Variants in SHBG observed in about 807,000 individuals in gnomAD.
SHBG encodes sex hormone binding globulin.
In SHBG, 37 loss-of-function variants were observed where a neutral mutation model predicts 41.9. That is an observed-to-expected ratio of 0.88 (90% CI 0.68 to 1.16). SHBG has a LOEUF of 1.16. SHBG is among the 50% of genes most tolerant of loss of function. The probability of loss-of-function intolerance (pLI) is 0.00; values close to 1 mark genes in which losing one functional copy is unlikely to be tolerated. For synonymous variants in SHBG, 217 were observed against 205.8 expected, an observed-to-expected ratio of 1.05 and a Z score of -0.47; for missense variants, 466 against 499.9, an observed-to-expected ratio of 0.93 and a Z score of 0.65.
At chr17:7,629,466 T>C (rs1009750552), upstream of SHBG, among the ~76,000 whole-genome samples, 1 of 152,020 alleles carries the variant, frequency 6.6e-6, no homozygotes, top group African/African-American at 2.4e-5. Flanking sequence ...GGCCCTGTAA[T>C]AAATGGATAA....
Position 7,630,206 on chromosome 17 carries a change from C to A in SHBG, c.34C>A (p.Leu12Met). The A allele has an allele frequency of 6.2e-7, 1 of 1,613,718 alleles. No individual in the cohort carries two copies. The highest frequency in any genetic ancestry group is 8.5e-7 in the Non-Finnish European group (1 of 1,179,824). Residue 12 changes from leucine to methionine, a missense_variant, in exon 1 of 8, where the codon CTG (leucine) becomes ATG (methionine). By Grantham distance (15) the Leu-to-Met change is conservative. Coordinates refer to ENST00000380450, the MANE Select transcript of SHBG (RefSeq NM_001040.5). The surrounding 1 kb of genome is among the most constrained non-coding windows in gnomAD (Gnocchi z 4.6). Reference protein sequence around the residue: ...ESRGPLATSRLLLLLLLLLLR... With the variant: ...ESRGPLATSRMLLLLLLLLLR... ...CAGAGGCCCACTGGCTACCTCGCGC[C>A]TGCTGCTGTTGCTGCTGTTGCTACT...
At chr17:7,627,279 T>C (rs2072243445), upstream of SHBG, 4 of 1,612,576 alleles carry the variant, frequency 2.5e-6, no homozygotes, top group South Asian at 1.1e-5. This position sits in a 1 kb window ranked among gnomAD's most constrained non-coding sequence, Gnocchi z 4.8. Flanking sequence ...CGTGGGTGTA[T>C]GCCCAGCCTG....
At chr17:7,631,448 T>C in intron 4 of SHBG, 87 bp downstream of exon 4, 5 of 1,576,048 alleles carry the variant, frequency 3.2e-6, no homozygotes, top group Non-Finnish European at 4.3e-6. Flanking sequence ...GTCCACACTT[T>C]TAGGGAGAAG....
At chr17:7,615,689 C>T (rs1404912219) in intron 1 of SHBG, among the ~76,000 whole-genome samples, 3 of 141,082 alleles carry the variant, frequency 2.1e-5, no homozygotes, top group Admixed American at 7.5e-5. Flanking sequence ...CAAAAATTAG[C>T]CGGGCGTGGT....
At position 7,631,349 on chromosome 17, in the gene SHBG, C is replaced by A. The variant is rs143134553; in HGVS notation, c.543C>A (p.Asn181Lys). 117 of 1,613,122 alleles carry A rather than the reference C, an allele frequency of 7.3e-5. No homozygotes were observed. The highest frequency in any genetic ancestry group is 1.3e-4 in the Admixed American group (8 of 59,982). ...GGGGGCTGCTCTTCCCCGCTTCCAACCTTCGGTTGCCGGTAACTACACCCC... is the reference window on the plus strand; with the variant it reads ...GGGGGCTGCTCTTCCCCGCTTCCAAACTTCGGTTGCCGGTAACTACACCCC... ...ALGGLLFPAS[N>K]LRLPLVPALD... is the part of the protein sequence containing the mutation. The change falls in exon 4 of 8, where the codon AAC becomes AAA. Residue 181 changes from asparagine (N) to lysine (K), a missense_variant. Physicochemically the swap from Asn to Lys is moderately conservative, Grantham distance 94 (BLOSUM62 0). Coordinates refer to ENST00000380450, the MANE Select transcript of SHBG (RefSeq NM_001040.5).
chr17:7,627,414 C>T (rs140963299), upstream of SHBG: 289 of 1,614,120 alleles, frequency 1.8e-4, 1 homozygote, highest in African/African-American at 3.4e-3. The surrounding 1 kb of genome is among the most constrained non-coding windows in gnomAD (Gnocchi z 4.8). Context: ...TCGGCTAGCT[C>T]CTAAGGCGTG....
At chr17:7,629,375 C>CTAAAATAAAATAAAATAAAA (rs58676803), upstream of SHBG, among the ~76,000 whole-genome samples, 28 of 146,394 alleles carry the variant, frequency 1.9e-4, no homozygotes, top group Middle Eastern at 3.5e-3. Context: ...AAGACTCTGT[C>CTAAAATAAAATAAAATAAAA]TAAAATAAAA....
At chr17:7,626,451 T>C, upstream of SHBG, 2 of 1,613,960 alleles carry the variant, frequency 1.2e-6, no homozygotes, top group Non-Finnish European at 8.5e-7. Context: ...ATGGCGTCAC[T>C]TTCCTGCCAA....
chr17:7,614,162 G>C (rs1244667043), intron 1 of SHBG: 1 of 635,776 alleles, frequency 1.6e-6, no homozygotes. Context: ...CTGGGTAAAG[G>C]GGTCTCTCCT....
At chr17:7,614,797 T>G in intron 1 of SHBG, 6 of 190,530 alleles carry the variant, frequency 3.1e-5, no homozygotes, top group Non-Finnish European at 4.2e-5. Context: ...TCACCTCAGC[T>G]TCCGCCCGCC....
At chr17:7,626,289 C>T (rs1367766611), upstream of SHBG, 1 of 727,028 alleles carries the variant, frequency 1.4e-6, no homozygotes, top group Non-Finnish European at 2.4e-6. Context: ...AAAGGTCTCT[C>T]CCTCAATTCT....
At chr17:7,627,813 G>A, upstream of SHBG, 1 of 719,286 alleles carries the variant, frequency 1.4e-6, no homozygotes, top group East Asian at 2.7e-5. This position sits in a 1 kb window ranked among gnomAD's most constrained non-coding sequence, Gnocchi z 4.8. Context: ...GCGCCGTACG[G>A]GAGGAGAGAG....
chr17:7,621,434 TAA>T (rs199799420), intron 1 of SHBG, among the ~76,000 whole-genome samples: 1 of 135,726 alleles, frequency 7.4e-6, no homozygotes, highest in Admixed American at 7.4e-5. Context: ...CCATCTCTAC[TAA>T]AAAAAAATAC....
intron 1 of SHBG, among the ~76,000 whole-genome samples, chr17:7,621,601 T>TAAA (rs747951932): frequency 1.1e-4 from 5 of 46,938 alleles, no homozygotes; most frequent in African/African-American, 2.8e-4. Flanking sequence ...AGTCTCCGTC[T>TAAA]AAAAAAAAAA....
chr17:7,631,318 C>A lies in SHBG; in HGVS notation c.512C>A (p.Ala171Glu). The A allele has an allele frequency of 6.2e-7, 1 of 1,613,774 alleles. No individual in the cohort carries two copies. The highest frequency in any genetic ancestry group is 8.5e-7 in the Non-Finnish European group (1 of 1,179,878). ...AAACGCCATCCCATCATGAGGATTG[C>A]GCTTGGGGGGCTGCTCTTCCCCGCT... ...TSKRHPIMRI[A>E]LGGLLFPASN... is the part of the protein sequence containing the mutation. Residue 171 changes from alanine to glutamate, a missense_variant, in exon 4 of 8, where the codon GCG (alanine) becomes GAG (glutamate). Coordinates refer to ENST00000380450, the MANE Select transcript of SHBG (RefSeq NM_001040.5).
At chr17:7,630,064 C>A, upstream of SHBG, 2 of 921,444 alleles carry the variant, frequency 2.2e-6, no homozygotes, top group South Asian at 1.3e-5. This position sits in a 1 kb window ranked among gnomAD's most constrained non-coding sequence, Gnocchi z 4.6. Flanking sequence ...TTCCTTTACC[C>A]CCTCCTCCCC....
intron 1 of SHBG, chr17:7,614,132 CG>C: frequency 1.7e-6 from 1 of 583,532 alleles, no homozygotes; most frequent in Non-Finnish European, 3.2e-6. Context: ...CACCAGACAA[CG>C]GACACAGTCA....
chr17:7,615,833 C>CAA lies in SHBG; in HGVS notation c.-62+1737_-62+1738dup, dbSNP rs544422942. ...TGGGCGACAGAGCAAGACTCAGTCT[C>CAA]AAAAAAAAAAAAAAAAGAAAGAAAG... On this transcript the variant is annotated intron_variant, in intron 1 of 5. Coordinates refer to the SHBG transcript ENST00000570547. Among the ~76,000 whole-genome samples, 9 of 73,032 alleles carry CAA rather than the reference C, an allele frequency of 1.2e-4. No individual in the cohort carries two copies. In the South Asian group the frequency reaches 2.7e-3, roughly 22 times the overall value. 47.9% of individuals were successfully genotyped at this position (73,032 alleles called of 152,430 possible).
At chr17:7,627,896 CTG>C, upstream of SHBG, 1 of 615,838 alleles carries the variant, frequency 1.6e-6, no homozygotes, top group Non-Finnish European at 3.0e-6. The surrounding 1 kb of genome is among the most constrained non-coding windows in gnomAD (Gnocchi z 4.8). Flanking sequence ...GGGGGCACAA[CTG>C]TCAGCCAATC....
Sources: allele counts gnomAD v4.1 joint callset (sites outside exome capture counted in the v4.1 genomes callset), GRCh38; gene constraint gnomAD v4.1.1; non-coding constraint Gnocchi (gnomAD v3.1); transcripts MANE v1.5; gene names NCBI Gene and HGNC (gene_info 2026-07-23, HGNC 2026-07-21).